The following LATS1 variants were observed in gnomAD, a reference collection of about 807,000 sequenced individuals.
LATS1 encodes the protein serine/threonine-protein kinase LATS1.
A neutral mutation model predicts 106.6 loss-of-function variants in LATS1; 25 were observed. The ratio of observed to expected loss-of-function variants is 0.23; its 90% CI spans 0.17 to 0.33. The LOEUF is 0.33. Among genes scored for constraint, LATS1 ranks in the 10% least tolerant of loss-of-function variants. LATS1 has a pLI of 1.00. For synonymous variants in LATS1, 465 were observed against 455.6 expected (o/e 1.02, Z -0.26); for missense variants, 1,040 against 1,382.6 (o/e 0.75, Z 3.93).
chr6:149,663,742 T>A (rs937737474), intron 7 of LATS1, among the ~76,000 whole-genome samples: 7 of 152,102 alleles, frequency 4.6e-5, no homozygotes, highest in Non-Finnish European at 8.8e-5. Context: ...TAATAATAGT[T>A]ATTTATGCTT....
chr6:149,673,678 C>CT (rs146560879), intron 7 of LATS1, among the ~76,000 whole-genome samples: 5,981 of 142,872 alleles, frequency 0.042, 181 homozygotes, highest in Non-Finnish European at 0.064. Context: ...CTTTTTTTTC[C>CT]TTTTTTTTTT....
intron 3 of LATS1, among the ~76,000 whole-genome samples, chr6:149,693,806 C>A (rs1388884633): frequency 6.6e-6 from 1 of 151,452 alleles, no homozygotes. Context: ...ATTGGTACTA[C>A]TAGCTGGGCG....
chr6:149,714,552 TTTG>T (rs146477252), intron 1 of LATS1, among the ~76,000 whole-genome samples: 239 of 152,216 alleles, frequency 1.6e-3, no homozygotes, highest in African/African-American at 4.4e-3. Context: ...TGCCAAAACT[TTTG>T]GAGTTATCTT....
intron 3 of LATS1, among the ~76,000 whole-genome samples, chr6:149,685,335 G>A (rs933546172): frequency 1.3e-5 from 2 of 151,830 alleles, no homozygotes; most frequent in Non-Finnish European, 2.9e-5. Flanking sequence ...TAGGCCAAAG[G>A]GCGTATCTAT....
At chr6:149,696,731 T>TA (rs950299400) in intron 2 of LATS1, among the ~76,000 whole-genome samples, 1 of 152,028 alleles carries the variant, frequency 6.6e-6, no homozygotes, top group African/African-American at 2.4e-5. Context: ...AGAAGATACT[T>TA]AGACTATATA....
chr6:149,676,885 G>A, intron 5 of LATS1, 148 bp from the exon 6 acceptor site: 2 of 666,558 alleles, frequency 3.0e-6, no homozygotes, highest in South Asian at 2.3e-5. Context: ...CACTGATGGT[G>A]TTTATTACCA....
intron 3 of LATS1, 98 bp from the exon 4 acceptor site, chr6:149,684,690 T>C: frequency 1.3e-6 from 1 of 777,708 alleles, no homozygotes; most frequent in Non-Finnish European, 2.0e-6. Context: ...CAAATGATAC[T>C]CAATTCTCTT....
intron 4 of LATS1, among the ~76,000 whole-genome samples, chr6:149,682,325 A>T (rs1013363384): frequency 6.6e-6 from 1 of 152,150 alleles, no homozygotes; most frequent in Non-Finnish European, 1.5e-5. Context: ...AATAAGATAT[A>T]TGTGATGAAT....
chr6:149,672,130 T>G (rs558548311), intron 7 of LATS1, among the ~76,000 whole-genome samples: 1 of 151,838 alleles, frequency 6.6e-6, no homozygotes, highest in South Asian at 2.1e-4. Flanking sequence ...TGACCTCAAG[T>G]GATCCGCCCA....
intron 3 of LATS1, among the ~76,000 whole-genome samples, chr6:149,685,572 G>A (rs1175185458): frequency 6.6e-6 from 1 of 152,084 alleles, no homozygotes; most frequent in South Asian, 2.1e-4. Flanking sequence ...TTTTAGTAGA[G>A]ACGGGGTTTC....
In LATS1 at chr6:149,658,481, C is replaced by T. The variant is rs1780779169; in HGVS notation, c.*3248G>A. 1 of 152,130 alleles carries T rather than the reference C, an allele frequency of 6.6e-6. No homozygotes were observed. Among genetic ancestry groups the T allele is most frequent in the South Asian group, 2.1e-4 (1 of 4,832 alleles). The allele number at this position is 152,130 out of a possible 1,614,324, so 9.4% of individuals were successfully genotyped here. A position where few individuals can be genotyped will look rare whatever the true frequency, so the allele number is the denominator to read the frequency against. Reference sequence around the variant, plus strand: ...TATACCAATATTTTGACCCAAATTACTTTTTGCTTTAGATTAAAATGAACA... The same window carrying T: ...TATACCAATATTTTGACCCAAATTATTTTTTGCTTTAGATTAAAATGAACA... On this transcript the variant is annotated 3_prime_UTR_variant, in exon 8 of 8. Transcript: ENST00000543571.
In LATS1 at chr6:149,661,779, C is replaced by T. The variant is rs759454029; in HGVS notation, c.3343G>A (p.Asp1115Asn). The change falls in exon 8 of 8, where the codon GAT (aspartate) becomes AAT (asparagine). Residue 1115 changes from aspartate to asparagine, a missense_variant. By Grantham distance (23) the Asp-to-Asn change is conservative. Around this residue, in one of 7 missense-constraint regions of LATS1, gnomAD observed 46 missense variants for 42.4 expected, o/e 1.09. Coordinates refer to ENST00000543571, the MANE Select transcript of LATS1 (RefSeq NM_004690.4). ...QGSEQQSDED[D>N]QNTGSEIKNR... ...TTAATCTCTGAGCCTGTGTTTTGATCATCTTCATCCGACTGCTGCTCTGAG... is the reference window on the plus strand; with the variant it reads ...TTAATCTCTGAGCCTGTGTTTTGATTATCTTCATCCGACTGCTGCTCTGAG... 6 of 1,593,056 alleles carry T rather than the reference C, an allele frequency of 3.8e-6. No individual in the cohort carries two copies. The highest frequency in any genetic ancestry group is 5.1e-6 in the Non-Finnish European group (6 of 1,171,316).
chr6:149,668,696 C>T (rs1309340338), intron 7 of LATS1, among the ~76,000 whole-genome samples: 1 of 151,096 alleles, frequency 6.6e-6, no homozygotes, highest in East Asian at 2.0e-4. Flanking sequence ...CCTCTTGCGT[C>T]AGCCTCCCAA....
chr6:149,716,535 G>A (rs1473501374), intron 1 of LATS1: 3 of 151,974 alleles, frequency 2.0e-5, no homozygotes, highest in Non-Finnish European at 4.4e-5. Flanking sequence ...ACCAGGGTTA[G>A]AACAGTTCCA....
chr6:149,695,123 C>T lies in LATS1; in HGVS notation c.447G>A (p.Glu149=). ...GTCTGGCAGCTGCTGCAGCCATCTG[C>T]TCTCGTCGAGGATCTTGGTAACTCA... The part of the protein sequence containing the change: ...SKMSYQDPRR[E]QMAAAAARPI... The change falls in exon 3 of 8, where the codon GAG becomes GAA. Residue 149 remains glutamate (E), a synonymous_variant. Coordinates refer to ENST00000543571, the MANE Select transcript of LATS1 (RefSeq NM_004690.4). 6.2e-7 allele frequency: 1 copy of T among 1,613,042 alleles called. No homozygotes were observed. Among genetic ancestry groups the T allele is most frequent in the Non-Finnish European group, 8.5e-7 (1 of 1,179,574 alleles).
intron 1 of LATS1, among the ~76,000 whole-genome samples, chr6:149,708,628 G>GATTAAAA: frequency 6.6e-6 from 1 of 152,140 alleles, no homozygotes; most frequent in East Asian, 1.9e-4. Flanking sequence ...TCTGGACTGA[G>GATTAAAA]GCAGTTAAAA....
In LATS1 at chr6:149,683,567, G is replaced by C. The variant is rs1782180167; in HGVS notation, c.1522C>G (p.Leu508Val). The change falls in exon 4 of 8, where the codon CTA (leucine) becomes GTA (valine). Residue 508 changes from leucine to valine, a missense_variant. This residue lies in a region of LATS1 where 624 missense variants were observed against 714.8 expected (regional missense o/e 0.87). Coordinates refer to ENST00000543571, the MANE Select transcript of LATS1 (RefSeq NM_004690.4). ...TGTGTAGGTGCTAAAGCAGTCTGTAGCTCTGGTTTTAATACACGCATACTT... is the reference window on the plus strand; with the variant it reads ...TGTGTAGGTGCTAAAGCAGTCTGTACCTCTGGTTTTAATACACGCATACTT... ...VKSMRVLKPE[L>V]QTALAPTHPS... 6.2e-7 allele frequency: 1 copy of C among 1,614,116 alleles called. No individual in the cohort carries two copies. The highest frequency in any genetic ancestry group is 8.5e-7 in the Non-Finnish European group (1 of 1,180,048).
At chr6:149,668,358 G>C (rs1052341106) in intron 7 of LATS1, among the ~76,000 whole-genome samples, 12 of 151,968 alleles carry the variant, frequency 7.9e-5, no homozygotes, top group Non-Finnish European at 1.3e-4. Flanking sequence ...GATAGAGAAG[G>C]AATCTTGAAA....
At chr6:149,704,228 C>T (rs368014067) in intron 1 of LATS1, among the ~76,000 whole-genome samples, 1 of 152,138 alleles carries the variant, frequency 6.6e-6, no homozygotes, top group Non-Finnish European at 1.5e-5. Context: ...GTCTCGGACT[C>T]CCGACCTCAG....
Sources: allele counts gnomAD v4.1 joint callset (sites outside exome capture counted in the v4.1 genomes callset), GRCh38; gene constraint gnomAD v4.1.1; regional missense constraint gnomAD v4.1.1; transcripts MANE v1.5; gene names NCBI Gene and HGNC (gene_info 2026-07-23, HGNC 2026-07-21).